Variants in RAI1 observed in about 807,000 individuals in gnomAD.
RAI1 encodes the protein retinoic acid induced 1, also known as retinoic acid-induced protein 1.
A neutral mutation model predicts 123.8 loss-of-function variants in RAI1; 9 were observed. The ratio of observed to expected loss-of-function variants is 0.07; its 90% CI spans 0.04 to 0.13. The LOEUF (loss-of-function observed/expected upper bound fraction) is 0.13. Ranked by LOEUF, RAI1 falls within the 10% of genes least tolerant of loss-of-function variation. RAI1 has a pLI of 1.00. For missense variants in RAI1, 2,256 were observed against 2,545.8 expected, an observed-to-expected ratio of 0.89 and a Z score of 2.45; for synonymous variants, 1,231 against 1,127.3, an observed-to-expected ratio of 1.09 and a Z score of -1.84.
chr17:17,803,085 C>CAA (rs1167089282), intron 3 of RAI1, among the ~76,000 whole-genome samples: 1,046 of 54,572 alleles, frequency 0.019, 17 homozygotes, highest in African/African-American at 0.038. Context: ...AATTCTGTCT[C>CAA]AAAAAAAAAA....
intron 2 of RAI1, among the ~76,000 whole-genome samples, chr17:17,773,518 C>T (rs1255097888): frequency 2.0e-5 from 3 of 152,202 alleles, no homozygotes; most frequent in Non-Finnish European, 2.9e-5. Flanking sequence ...CCAGGAAATT[C>T]CCTTTGCCTC....
At chr17:17,690,058 T>C (rs530965588) in intron 1 of RAI1, among the ~76,000 whole-genome samples, 1 of 152,248 alleles carries the variant, frequency 6.6e-6, no homozygotes, top group East Asian at 1.9e-4. Flanking sequence ...AGTCCGCCTT[T>C]GTCTGGCGCC....
At chr17:17,682,812 G>A (rs1329520778) in intron 1 of RAI1, among the ~76,000 whole-genome samples, 1 of 152,146 alleles carries the variant, frequency 6.6e-6, no homozygotes, top group East Asian at 1.9e-4. Flanking sequence ...CGGAGTGCGG[G>A]CTGCCGCGGT....
chr17:17,688,659 G>A (rs542134639), intron 1 of RAI1, among the ~76,000 whole-genome samples: 4 of 152,026 alleles, frequency 2.6e-5, no homozygotes, highest in Admixed American at 6.6e-5. Flanking sequence ...TCAGTGGTGC[G>A]ATCCCGGCTC....
chr17:17,789,754 C>T (rs1187403091), intron 2 of RAI1, among the ~76,000 whole-genome samples: 1 of 152,216 alleles, frequency 6.6e-6, no homozygotes, highest in Non-Finnish European at 1.5e-5. Flanking sequence ...CTTCTAGTTT[C>T]AGCAAGAACT....
chr17:17,779,053 T>C (rs914872233), intron 2 of RAI1: 1 of 372,720 alleles, frequency 2.7e-6, no homozygotes, highest in Admixed American at 3.3e-5. Context: ...CCTCGCCTGG[T>C]TTTTACTCTT....
At chr17:17,775,017 T>C (rs2031287143) in intron 2 of RAI1, among the ~76,000 whole-genome samples, 1 of 152,190 alleles carries the variant, frequency 6.6e-6, no homozygotes, top group Non-Finnish European at 1.5e-5. Flanking sequence ...CCAGCCCAGC[T>C]TCTGGTTTTA....
chr17:17,794,037 G>A lies in RAI1; in HGVS notation c.1089G>A (p.Leu363=). The change falls in exon 3 of 6, where the codon CTG becomes CTA. Residue 363 remains leucine, a synonymous_variant. Transcript: ENST00000353383. ...SPSYSSTPSP[L]MPNLENFPYS... is the part of the protein sequence containing the mutation. The stretch of plus-strand genomic sequence containing the variant: ...CCTACAGTTCCACACCGTCGCCGCT[G>A]ATGCCAAACCTGGAGAACTTTCCCT... 1.2e-6 allele frequency: 2 copies of A among 1,613,880 alleles called. No individual in the cohort carries two copies. Among genetic ancestry groups the A allele is most frequent in the East Asian group, 2.2e-5 (1 of 44,852 alleles).
chr17:17,719,352 C>T (rs8075153), intron 1 of RAI1, among the ~76,000 whole-genome samples: 59,565 of 152,046 alleles, frequency 0.39, 12,303 homozygotes, highest in Middle Eastern at 0.5. Flanking sequence ...GCCACACTAA[C>T]CTCTTGGCCA....
intron 2 of RAI1, among the ~76,000 whole-genome samples, chr17:17,760,168 G>C (rs772588227): frequency 2.6e-5 from 4 of 152,212 alleles, no homozygotes; most frequent in Admixed American, 1.3e-4. Context: ...AAGTGCCCAG[G>C]TCACTGTGGC....
intron 2 of RAI1, among the ~76,000 whole-genome samples, chr17:17,738,225 T>C (rs1916500597): frequency 7.1e-6 from 1 of 140,564 alleles, no homozygotes; most frequent in Non-Finnish European, 1.5e-5. Flanking sequence ...TGATCTAGGC[T>C]AAGGTAGCAT....
At chr17:17,807,015 G>A (rs768841334) in intron 4 of RAI1, among the ~76,000 whole-genome samples, 1 of 151,588 alleles carries the variant, frequency 6.6e-6, no homozygotes, top group Non-Finnish European at 1.5e-5. Flanking sequence ...GCTCAGGATC[G>A]AGTCTCGCCC....
At chr17:17,735,931 G>T (rs1916419513) in intron 2 of RAI1, among the ~76,000 whole-genome samples, 1 of 152,178 alleles carries the variant, frequency 6.6e-6, no homozygotes, top group Admixed American at 6.5e-5. Context: ...CCCACAAAAG[G>T]CCTGAGGAAT....
intron 2 of RAI1, chr17:17,779,443 C>T (rs1214123717): frequency 6.3e-6 from 1 of 157,576 alleles, no homozygotes; most frequent in African/African-American, 2.4e-5. Context: ...CTTGAAACCC[C>T]AGCCCTTGAT....
At chr17:17,700,056 C>T (rs1324428388) in intron 1 of RAI1, among the ~76,000 whole-genome samples, 2 of 152,236 alleles carry the variant, frequency 1.3e-5, no homozygotes, top group African/African-American at 4.8e-5. Flanking sequence ...TATGCTAAAT[C>T]CTTAAAACTC....
intron 1 of RAI1, among the ~76,000 whole-genome samples, chr17:17,720,241 T>C (rs1225844380): frequency 1.3e-5 from 2 of 152,214 alleles, no homozygotes; most frequent in African/African-American, 2.4e-5. Context: ...GCTATTGAGA[T>C]AGTGCTTGGC....
rs1262640254 is a variant in RAI1, at chr17:17,752,289, C to T, written c.-17+28130C>T. ...CTTTTGTGTTCGCACATGCCCCAGCCCCCAGCCCGGGCAGACGCCCCTGAT... is the reference window on the plus strand; with the variant it reads ...CTTTTGTGTTCGCACATGCCCCAGCTCCCAGCCCGGGCAGACGCCCCTGAT... On this transcript the variant is annotated intron_variant, in intron 2 of 5. Transcript: ENST00000353383. Among the ~76,000 whole-genome samples the T allele has an allele frequency of 7.2e-5, 11 of 152,356 alleles. No individual in the cohort carries two copies. The South Asian group carries it at 2.3e-3, about 32-fold the overall frequency.
chr17:17,785,374 A>C (rs1287420576), intron 2 of RAI1, among the ~76,000 whole-genome samples: 11 of 152,160 alleles, frequency 7.2e-5, no homozygotes. Context: ...CTGTTTATTT[A>C]TCCAAGTAAT....
chr17:17,704,958 A>G (rs752800110), intron 1 of RAI1, among the ~76,000 whole-genome samples: 5 of 152,166 alleles, frequency 3.3e-5, no homozygotes, highest in Non-Finnish European at 4.4e-5. Context: ...TTTCATGGCC[A>G]TGAGGATCCA....
Sources: allele counts gnomAD v4.1 joint callset (sites outside exome capture counted in the v4.1 genomes callset), GRCh38; gene constraint gnomAD v4.1.1; transcripts MANE v1.5; gene names NCBI Gene and HGNC (gene_info 2026-07-23, HGNC 2026-07-21).